Variants in KCND3 observed in about 807,000 individuals in gnomAD.
KCND3 encodes the protein potassium voltage-gated channel subfamily D member 3.
Under a neutral mutation model 51.1 loss-of-function variants are expected in KCND3, and 9 were observed. The ratio of observed to expected loss-of-function variants is 0.18; its 90% CI spans 0.11 to 0.31. The LOEUF (loss-of-function observed/expected upper bound fraction) is 0.31, where lower values mean the gene tolerates loss of function less well. KCND3 is among the 10% of genes least tolerant of loss of function. KCND3 has a pLI of 1.00. For missense variants in KCND3, 526 were observed against 903.8 expected, an observed-to-expected ratio of 0.58 and a Z score of 5.36; for synonymous variants, 349 against 368.0, an observed-to-expected ratio of 0.95 and a Z score of 0.59.
At chr1:111,802,594 G>A (rs1557945861) in intron 2 of KCND3, among the ~76,000 whole-genome samples, 1 of 152,204 alleles carries the variant, frequency 6.6e-6, no homozygotes, top group Non-Finnish European at 1.5e-5. Context: ...ACCCCACAGT[G>A]CAGCACTGAC....
chr1:111,911,130 G>A (rs1200228373), intron 2 of KCND3, among the ~76,000 whole-genome samples: 2 of 152,172 alleles, frequency 1.3e-5, no homozygotes, highest in Admixed American at 1.3e-4. Context: ...ACTAAGATGG[G>A]TTCCTACTTC....
chr1:111,929,490 A>G (rs907706082), intron 2 of KCND3, among the ~76,000 whole-genome samples: 4 of 152,210 alleles, frequency 2.6e-5, no homozygotes, highest in African/African-American at 9.6e-5. Flanking sequence ...CAGCAAAGGA[A>G]CTGACAGAAA....
Position 111,957,557 on chromosome 1 carries a change from T to C in KCND3, c.1106+24064A>G, listed in dbSNP as rs1343813165. ...GTTCCAAGTTCCACAATGATATAAG[T>C]TTAAAAAAAAAAAGAGAGATATGTG... On this transcript the variant is annotated intron_variant, in intron 2 of 7. Coordinates refer to ENST00000302127, the MANE Select transcript of KCND3 (RefSeq NM_001378969.1). Among the ~76,000 whole-genome samples, 8 of 151,492 alleles carry C rather than the reference T, an allele frequency of 5.3e-5. No individual in the cohort carries two copies. The East Asian group carries it at 1.5e-3, about 29-fold the overall frequency.
intron 2 of KCND3, among the ~76,000 whole-genome samples, chr1:111,936,020 T>C (rs1327212069): frequency 6.6e-6 from 1 of 152,268 alleles, no homozygotes; most frequent in Non-Finnish European, 1.5e-5. Flanking sequence ...GTATAATTCA[T>C]GCAGAAAACA....
intron 2 of KCND3, among the ~76,000 whole-genome samples, chr1:111,888,407 C>G (rs1053035243): frequency 1.3e-5 from 2 of 152,108 alleles, no homozygotes; most frequent in Non-Finnish European, 2.9e-5. Flanking sequence ...ACAGTGAGGC[C>G]GGGTATGGTG....
At chr1:111,952,294 A>G (rs1673098591) in intron 2 of KCND3, among the ~76,000 whole-genome samples, 1 of 151,642 alleles carries the variant, frequency 6.6e-6, no homozygotes, top group African/African-American at 2.4e-5. Context: ...TCTTCGCCCC[A>G]CTCCCTACCC....
At chr1:111,778,530 T>C (rs1168882837) in intron 5 of KCND3, 38 bp from the exon 6 acceptor site, 7 of 1,588,912 alleles carry the variant, frequency 4.4e-6, no homozygotes, top group Non-Finnish European at 6.0e-6. Context: ...AAAAACACCA[T>C]TGATTGTACA....
intron 2 of KCND3, among the ~76,000 whole-genome samples, chr1:111,948,183 TG>T (rs1672878886): frequency 6.6e-6 from 1 of 152,240 alleles, no homozygotes; most frequent in Admixed American, 6.5e-5. Context: ...ATCCTGTGCG[TG>T]GCCTCCCTCT....
At chr1:111,936,859 A>T (rs1672245927) in intron 2 of KCND3, among the ~76,000 whole-genome samples, 1 of 152,172 alleles carries the variant, frequency 6.6e-6, no homozygotes, top group African/African-American at 2.4e-5. Context: ...CTGCATCTCC[A>T]GTGCCTAGCA....
In KCND3 at chr1:111,982,811, A is replaced by G. The variant is rs1221646507; in HGVS notation, c.-72-13T>C. On this transcript the variant is annotated splice_polypyrimidine_tract_variant and intron_variant, in intron 1 of 7. Transcript: ENST00000302127. This position sits in a 1 kb window ranked among gnomAD's most constrained non-coding sequence, Gnocchi z 8.5. The stretch of plus-strand genomic sequence containing the variant: ...AGTTCAGCAAACCCTGGGAGACAGG[A>G]GGGGAGAGAGAGAAGCGGTGAGTCC... The G allele has an allele frequency of 1.3e-6, 2 of 1,522,996 alleles. No individual in the cohort carries two copies. The highest frequency in any genetic ancestry group is 3.9e-5 in the Admixed American group (2 of 51,394). 94.3% of individuals were successfully genotyped at this position (1,522,996 alleles called of 1,614,324 possible). A position where few individuals can be genotyped will look rare whatever the true frequency, so the allele number is the denominator to read the frequency against.
chr1:111,777,016 A>T lies in KCND3; in HGVS notation c.1766+10T>A. The T allele has an allele frequency of 6.2e-7, 1 of 1,613,006 alleles. No individual in the cohort carries two copies. The highest frequency in any genetic ancestry group is 8.5e-7 in the Non-Finnish European group (1 of 1,179,862). On this transcript the variant is annotated intron_variant, in intron 7 of 7. Transcript: ENST00000302127. ...GAGCCTTTGCGGGTGATGGGATGGA[A>T]GCCACCCACCTGGTTGTGAGGGAGG...
At chr1:111,980,893 G>T (rs767029855) in intron 2 of KCND3, among the ~76,000 whole-genome samples, 14 of 152,124 alleles carry the variant, frequency 9.2e-5, no homozygotes, top group Non-Finnish European at 1.8e-4. Context: ...TGATGATATT[G>T]CTGCTTCTGT....
At chr1:111,841,006 G>T (rs374722641) in intron 2 of KCND3, among the ~76,000 whole-genome samples, 4 of 152,282 alleles carry the variant, frequency 2.6e-5, no homozygotes, top group Admixed American at 1.3e-4. Context: ...TCTTTTCTGT[G>T]GATCACAATG....
intron 2 of KCND3, among the ~76,000 whole-genome samples, chr1:111,871,883 G>T (rs911779818): frequency 1.3e-5 from 2 of 152,122 alleles, no homozygotes; most frequent in Non-Finnish European, 2.9e-5. Context: ...GAAGGGTAAA[G>T]TGTTAGGAAG....
intron 2 of KCND3, among the ~76,000 whole-genome samples, chr1:111,863,374 A>T (rs531179206): frequency 6.6e-6 from 1 of 152,358 alleles, no homozygotes; most frequent in South Asian, 2.1e-4. Flanking sequence ...ATAGAGATGA[A>T]AATTTAAATC....
intron 2 of KCND3, among the ~76,000 whole-genome samples, chr1:111,803,947 C>T (rs1461698539): frequency 6.6e-6 from 1 of 152,200 alleles, no homozygotes; most frequent in Non-Finnish European, 1.5e-5. Flanking sequence ...TTATGTGGGG[C>T]TCATCTTGCC....
intron 2 of KCND3, among the ~76,000 whole-genome samples, chr1:111,843,262 C>G (rs887307293): frequency 2.0e-5 from 3 of 152,176 alleles, no homozygotes; most frequent in Non-Finnish European, 2.9e-5. Flanking sequence ...CACAGACTGA[C>G]CACTGTGGTT....
intron 2 of KCND3, among the ~76,000 whole-genome samples, chr1:111,957,317 G>A (rs1182600771): frequency 1.3e-5 from 2 of 152,208 alleles, no homozygotes; most frequent in African/African-American, 4.8e-5. Flanking sequence ...AACTGGTTCT[G>A]TTTCATCCGG....
intron 2 of KCND3, among the ~76,000 whole-genome samples, chr1:111,899,781 T>C (rs1670294717): frequency 6.6e-6 from 1 of 152,166 alleles, no homozygotes; most frequent in Non-Finnish European, 1.5e-5. Flanking sequence ...GGTGAGCTGT[T>C]TGGCCACCTG....
Sources: allele counts gnomAD v4.1 joint callset (sites outside exome capture counted in the v4.1 genomes callset), GRCh38; gene constraint gnomAD v4.1.1; non-coding constraint Gnocchi (gnomAD v3.1); transcripts MANE v1.5; gene names NCBI Gene and HGNC (gene_info 2026-07-23, HGNC 2026-07-21).